The following SORCS2 variants were observed in gnomAD, a reference collection of about 807,000 sequenced individuals.
The protein encoded by SORCS2 is sortilin related VPS10 domain containing receptor 2.
Under a neutral mutation model 141.6 loss-of-function variants are expected in SORCS2, and 100 were observed. The ratio of observed to expected loss-of-function variants is 0.71; its 90% CI spans 0.60 to 0.83. SORCS2 has a LOEUF of 0.83. Ranked by LOEUF, SORCS2 falls within the 40% of genes least tolerant of loss-of-function variation. The pLI, the probability that SORCS2 is intolerant of heterozygous loss-of-function variation, is 0.00. For missense variants in SORCS2, 1,646 were observed against 1,560.2 expected (o/e 1.05, Z -0.93); for synonymous variants, 789 against 676.9 (o/e 1.17, Z -2.57).
rs1182959755 is a variant in SORCS2, at chr4:7,676,803, G to GTCTC, written c.1341+597_1341+600dup. On this transcript the variant is annotated intron_variant, in intron 9 of 26. Coordinates refer to ENST00000507866, the MANE Select transcript of SORCS2 (RefSeq NM_020777.3). Reference sequence around the variant, plus strand: ...CTGTGTGTCTGAAGTCTGCCTTTCTGTCTCTCTCTCTCTCTCTCTCTCTCT... The same window carrying GTCTC: ...CTGTGTGTCTGAAGTCTGCCTTTCTGTCTCTCTCTCTCTCTCTCTCTCTCTCTCT... Among the ~76,000 whole-genome samples, 34 of 37,248 alleles carry GTCTC rather than the reference G, an allele frequency of 9.1e-4. No individual in the cohort carries two copies. In the East Asian group the frequency reaches 9.5e-3, roughly 10 times the overall value. 24.4% of individuals were successfully genotyped at this position (37,248 alleles called of 152,430 possible). A position where few individuals can be genotyped will look rare whatever the true frequency, so the allele number is the denominator to read the frequency against.
At chr4:7,432,857 C>CG (rs1726976639) in intron 2 of SORCS2, 1 of 153,760 alleles carries the variant, frequency 6.5e-6, no homozygotes, top group East Asian at 1.9e-4. Flanking sequence ...CTCCCACCCC[C>CG]GGCTGTTGGC....
intron 3 of SORCS2, among the ~76,000 whole-genome samples, chr4:7,536,510 G>C (rs1306147093): frequency 6.6e-6 from 1 of 152,178 alleles, no homozygotes; most frequent in African/African-American, 2.4e-5. Context: ...GTACAGGGCT[G>C]GTCTTCAGAC....
intron 2 of SORCS2, among the ~76,000 whole-genome samples, chr4:7,502,990 A>C (rs924680375): frequency 6.6e-6 from 1 of 152,234 alleles, no homozygotes; most frequent in Non-Finnish European, 1.5e-5. Context: ...TTTATTGGAC[A>C]AGTTCCACCC....
chr4:7,382,030 G>T, intron 1 of SORCS2: 2 of 972,132 alleles, frequency 2.1e-6, no homozygotes, highest in Non-Finnish European at 2.4e-6. Flanking sequence ...GAAGGGAGTC[G>T]GGTCAAAGAT....
chr4:7,543,514 TCCATCCG>T (rs1560372567), intron 3 of SORCS2, among the ~76,000 whole-genome samples: 1 of 132,224 alleles, frequency 7.6e-6, no homozygotes, highest in Non-Finnish European at 1.6e-5. Context: ...CATCCATCCA[TCCATCCG>T]TCCATCCATC....
chr4:7,466,687 T>A (rs1729636522), intron 2 of SORCS2, among the ~76,000 whole-genome samples: 1 of 151,700 alleles, frequency 6.6e-6, no homozygotes, highest in Admixed American at 6.6e-5. Context: ...GGAATACAGG[T>A]GGGAGGCAGA....
intron 2 of SORCS2, among the ~76,000 whole-genome samples, chr4:7,416,910 A>G (rs1314350158): frequency 1.3e-5 from 2 of 152,058 alleles, no homozygotes; most frequent in African/African-American, 2.4e-5. Context: ...ACGTGTGCAG[A>G]CACACTGACA....
intron 2 of SORCS2, among the ~76,000 whole-genome samples, chr4:7,505,943 TCCACTTCCGCGGCTATAAAACAC>T (rs1024441810): frequency 6.6e-6 from 1 of 152,162 alleles, no homozygotes; most frequent in Non-Finnish European, 1.5e-5. Context: ...CTTCTGTGCC[TCCACTTCCGCGGCTATAAAACAC>T]CCAACTCCCA....
intron 2 of SORCS2, among the ~76,000 whole-genome samples, chr4:7,519,725 C>T (rs747253867): frequency 2.0e-5 from 3 of 152,220 alleles, no homozygotes; most frequent in Non-Finnish European, 4.4e-5. Flanking sequence ...GGGAGGTCCC[C>T]GCAGCACCCA....
chr4:7,216,035 C>T (rs1379036930), intron 1 of SORCS2, among the ~76,000 whole-genome samples: 2 of 152,196 alleles, frequency 1.3e-5, no homozygotes, highest in Non-Finnish European at 2.9e-5. Context: ...CTTGCTACTG[C>T]TCACTCTTTG....
At chr4:7,599,589 C>G (rs1041886508) in intron 3 of SORCS2, among the ~76,000 whole-genome samples, 2 of 152,192 alleles carry the variant, frequency 1.3e-5, no homozygotes, top group Non-Finnish European at 2.9e-5. Context: ...TCCCTGCTTC[C>G]CTGCAAACTG....
chr4:7,284,022 T>C (rs1325350598), intron 1 of SORCS2, among the ~76,000 whole-genome samples: 2 of 152,158 alleles, frequency 1.3e-5, no homozygotes, highest in East Asian at 3.9e-4. Context: ...ACAACGTTAC[T>C]ACAGCGTCTG....
chr4:7,224,650 C>G (rs780322883), intron 1 of SORCS2, among the ~76,000 whole-genome samples: 4 of 152,218 alleles, frequency 2.6e-5, no homozygotes, highest in Non-Finnish European at 5.9e-5. Flanking sequence ...ACTCCATCCC[C>G]GTGACCTCCC....
intron 1 of SORCS2, among the ~76,000 whole-genome samples, chr4:7,384,709 G>T (rs566154763): frequency 6.6e-6 from 1 of 152,136 alleles, no homozygotes; most frequent in South Asian, 2.1e-4. Flanking sequence ...CCCTCACACT[G>T]TGCCGGTTGC....
chr4:7,438,882 A>G (rs1727473191), intron 2 of SORCS2, among the ~76,000 whole-genome samples: 1 of 151,870 alleles, frequency 6.6e-6, no homozygotes, highest in South Asian at 2.1e-4. Flanking sequence ...CTTTTTTCAT[A>G]TCATTCATTG....
intron 1 of SORCS2, among the ~76,000 whole-genome samples, chr4:7,384,557 C>T (rs1197962678): frequency 2.6e-5 from 4 of 152,174 alleles, no homozygotes; most frequent in Non-Finnish European, 5.9e-5. Context: ...TAACAGGTGT[C>T]AGTGAGGTGG....
At chr4:7,734,804 C>A (rs575815701) in intron 25 of SORCS2, among the ~76,000 whole-genome samples, 1 of 152,188 alleles carries the variant, frequency 6.6e-6, no homozygotes, top group Non-Finnish European at 1.5e-5. Flanking sequence ...GTTCCTCGGC[C>A]GCCCGCCCAT....
chr4:7,408,388 T>TA (rs1382649386), intron 2 of SORCS2, among the ~76,000 whole-genome samples: 1 of 150,530 alleles, frequency 6.6e-6, no homozygotes, highest in Non-Finnish European at 1.5e-5. Flanking sequence ...GGATGACAGT[T>TA]TTTTTTTTCT....
intron 2 of SORCS2, chr4:7,430,232 G>A (rs1300755241): frequency 6.7e-6 from 1 of 149,950 alleles, no homozygotes; most frequent in African/African-American, 2.5e-5. Flanking sequence ...TGCTTTCCAG[G>A]AGAGCCCTGA....
Sources: allele counts gnomAD v4.1 joint callset (sites outside exome capture counted in the v4.1 genomes callset), GRCh38; gene constraint gnomAD v4.1.1; transcripts MANE v1.5; gene names NCBI Gene and HGNC (gene_info 2026-07-23, HGNC 2026-07-21).